TUSC3: variants seen among roughly 807,000 people sequenced by gnomAD.
TUSC3 encodes tumor suppressor candidate 3.
Under a neutral mutation model 44.8 loss-of-function variants are expected in TUSC3, and 45 were observed. The observed-to-expected ratio is 1.00, with a 90% CI of 0.79 to 1.29. TUSC3 has a LOEUF of 1.29. TUSC3 is among the 50% of genes most tolerant of loss of function. TUSC3 has a pLI of 0.00. For synonymous variants in TUSC3, 212 were observed against 152.9 expected (o/e 1.39, Z -2.85); for missense variants, 519 against 437.9 (o/e 1.19, Z -1.65).
chr8:15,490,248 G>C (rs534080685), intron 2 of TUSC3, among the ~76,000 whole-genome samples: 1 of 152,284 alleles, frequency 6.6e-6, no homozygotes, highest in African/African-American at 2.4e-5. Context: ...ACAAAGAGAA[G>C]AGACACTGTT....
chr8:15,475,233 A>G (rs1244269134), intron 1 of TUSC3, among the ~76,000 whole-genome samples: 1 of 152,116 alleles, frequency 6.6e-6, no homozygotes, highest in African/African-American at 2.4e-5. Flanking sequence ...TTTTTTGATG[A>G]TCCTAGAGAC....
At chr8:15,481,216 C>T (rs1452767728) in intron 1 of TUSC3, among the ~76,000 whole-genome samples, 2 of 128,386 alleles carry the variant, frequency 1.6e-5, no homozygotes, top group African/African-American at 6.0e-5. Context: ...CATTGCACTA[C>T]AACCTGAGCA....
At chr8:15,439,988 A>G (rs895261855) in intron 1 of TUSC3, among the ~76,000 whole-genome samples, 1 of 152,238 alleles carries the variant, frequency 6.6e-6, no homozygotes, top group Non-Finnish European at 1.5e-5. Context: ...TGTCCACTCT[A>G]TACCAGGCAC....
At chr8:15,748,767 G>A (rs769379524) in intron 9 of TUSC3, 20 of 552,844 alleles carry the variant, frequency 3.6e-5, no homozygotes, top group Admixed American at 7.7e-5. Flanking sequence ...TTAGTTTGTC[G>A]TGATTTCGAC....
At chr8:15,816,165 C>T in the TUSC3 span, among the ~76,000 whole-genome samples, 2 of 152,132 alleles carry the variant, frequency 1.3e-5, no homozygotes, top group Non-Finnish European at 2.9e-5. Flanking sequence ...TTAGGAGCTT[C>T]TATAAGGCTC....
chr8:15,810,778 C>T, the TUSC3 span, among the ~76,000 whole-genome samples: 1 of 152,138 alleles, frequency 6.6e-6, no homozygotes, highest in African/African-American at 2.4e-5. Context: ...GGGAGATTTG[C>T]ATCTGTAGAG....
chr8:15,780,827 C>T, the TUSC3 span, among the ~76,000 whole-genome samples: 304 of 152,258 alleles, frequency 2.0e-3, 2 homozygotes, highest in African/African-American at 7.0e-3. Context: ...GCTCTAGGAG[C>T]AGGGGAAACT....
At chr8:15,523,517 C>T (rs1485440866) in intron 2 of TUSC3, among the ~76,000 whole-genome samples, 2 of 151,642 alleles carry the variant, frequency 1.3e-5, no homozygotes, top group Admixed American at 6.6e-5. Context: ...TAAGATCACC[C>T]ATCAAGGTAT....
At chr8:15,550,861 G>A (rs541541826) in intron 1 of TUSC3, among the ~76,000 whole-genome samples, 6 of 151,608 alleles carry the variant, frequency 4.0e-5, no homozygotes, top group African/African-American at 1.2e-4. Flanking sequence ...TAGTAGAGAC[G>A]GGGTTTCATC....
intron 1 of TUSC3, among the ~76,000 whole-genome samples, chr8:15,459,259 C>G (rs945913011): frequency 2.0e-5 from 3 of 152,134 alleles, no homozygotes; most frequent in African/African-American, 4.8e-5. Flanking sequence ...ATGGTGTTGA[C>G]TGTCTAGTTC....
At chr8:15,538,840 A>T (rs900096768), upstream of TUSC3, among the ~76,000 whole-genome samples, 1 of 151,330 alleles carries the variant, frequency 6.6e-6, no homozygotes, top group African/African-American at 2.4e-5. Context: ...TATATATATA[A>T]TATTTTTATA....
chr8:15,747,626 CTCAA>C (rs1180580014), intron 8 of TUSC3, among the ~76,000 whole-genome samples: 1 of 151,964 alleles, frequency 6.6e-6, no homozygotes, highest in Non-Finnish European at 1.5e-5. Flanking sequence ...GTAAAATCTT[CTCAA>C]TCATACTAAA....
intron 1 of TUSC3, among the ~76,000 whole-genome samples, chr8:15,448,938 T>A (rs1800148686): frequency 6.6e-6 from 1 of 152,204 alleles, no homozygotes; most frequent in African/African-American, 2.4e-5. Context: ...TTTATTTTTT[T>A]TAATAAATTT....
At chr8:15,560,794 A>G (rs1585101486) in intron 1 of TUSC3, among the ~76,000 whole-genome samples, 4 of 118,124 alleles carry the variant, frequency 3.4e-5, no homozygotes, top group African/African-American at 1.3e-4. Flanking sequence ...AGTTGATCGC[A>G]TCGGCTCCTG....
the TUSC3 span, among the ~76,000 whole-genome samples, chr8:15,798,224 AATAGAC>A: frequency 1.2e-3 from 188 of 152,342 alleles, 2 homozygotes; most frequent in Non-Finnish European, 1.1e-3. Context: ...CAGAACATTG[AATAGAC>A]CCTTAAGGTC....
intron 1 of TUSC3, among the ~76,000 whole-genome samples, chr8:15,448,241 C>G (rs1189519394): frequency 6.6e-6 from 1 of 151,634 alleles, no homozygotes. Flanking sequence ...GCCTCACCCT[C>G]TCAAGTAGCT....
chr8:15,838,248 T>G, the TUSC3 span, among the ~76,000 whole-genome samples: 56 of 152,358 alleles, frequency 3.7e-4, no homozygotes, highest in African/African-American at 1.3e-3. Context: ...TTGAGACTTA[T>G]ACTTTGCATT....
chr8:15,612,189 AGCAGG>A (rs1804792640), intron 1 of TUSC3, among the ~76,000 whole-genome samples: 1 of 152,188 alleles, frequency 6.6e-6, no homozygotes, highest in African/African-American at 2.4e-5. Flanking sequence ...CTATTCAGAT[AGCAGG>A]TACCTGAATA....
At chr8:15,535,218 A>G (rs1245726282) in intron 2 of TUSC3, among the ~76,000 whole-genome samples, 1 of 152,234 alleles carries the variant, frequency 6.6e-6, no homozygotes, top group Non-Finnish European at 1.5e-5. Context: ...TTGAGACTAT[A>G]TAGTTCTTGG....
Sources: allele counts gnomAD v4.1 joint callset (sites outside exome capture counted in the v4.1 genomes callset), GRCh38; gene constraint gnomAD v4.1.1; transcripts MANE v1.5; gene names NCBI Gene and HGNC (gene_info 2026-07-23, HGNC 2026-07-21).